The following CACNA1I variants were observed in gnomAD, a reference collection of about 807,000 sequenced individuals.
CACNA1I encodes the protein voltage-dependent T-type calcium channel subunit alpha-1I.
A neutral mutation model predicts 201.6 loss-of-function variants in CACNA1I; 74 were observed. The observed-to-expected ratio is 0.37, with a 90% confidence interval of 0.30 to 0.45. The LOEUF is 0.45. Ranked by LOEUF, CACNA1I falls within the 20% of genes least tolerant of loss-of-function variation. The probability of loss-of-function intolerance (pLI) is 1.00; values close to 1 mark genes in which losing one functional copy is unlikely to be tolerated. For missense variants in CACNA1I, 2,346 were observed against 3,138.1 expected (o/e 0.75, Z 6.03); for synonymous variants, 1,431 against 1,345.2 (o/e 1.06, Z -1.40).
chr22:39,607,353 A>T (rs1933251381), intron 3 of CACNA1I, among the ~76,000 whole-genome samples: 1 of 152,234 alleles, frequency 6.6e-6, no homozygotes, highest in Non-Finnish European at 1.5e-5. Context: ...GAGCAGCAGG[A>T]TCACTGGGGC....
chr22:39,624,411 C>T lies in CACNA1I; in HGVS notation c.580+5004C>T, dbSNP rs189512624. 3.2e-4 allele frequency among the ~76,000 whole-genome samples: 49 copies of T among 152,274 alleles called. 1 individual carries two copies. In the East Asian group the frequency reaches 9.1e-3, roughly 28 times the overall value. ...GCTCCAATTACAGAGGAGCTCCGAG[C>T]GGGCTCCGAGCCTTTCCTCAGGGTC... On this transcript the variant is annotated intron_variant, in intron 4 of 36. Transcript: ENST00000402142.
At chr22:39,603,146 C>T (rs1305258315) in intron 3 of CACNA1I, among the ~76,000 whole-genome samples, 1 of 122,890 alleles carries the variant, frequency 8.1e-6, no homozygotes, top group Non-Finnish European at 1.8e-5. Context: ...AAAGCAAGAC[C>T]CTGTCAAAAA....
At chr22:39,589,804 G>A (rs997348858) in intron 1 of CACNA1I, among the ~76,000 whole-genome samples, 1 of 152,134 alleles carries the variant, frequency 6.6e-6, no homozygotes, top group African/African-American at 2.4e-5. Flanking sequence ...GTAGGTGCTG[G>A]TCCACCTTCC....
At chr22:39,596,464 C>T (rs1284134714) in intron 1 of CACNA1I, among the ~76,000 whole-genome samples, 18 of 42,668 alleles carry the variant, frequency 4.2e-4, no homozygotes, top group African/African-American at 1.8e-3. Context: ...GGGGGCAGGG[C>T]GGAGAGAGAT....
chr22:39,679,934 G>C lies in CACNA1I; in HGVS notation c.5541+66G>C. The C allele has an allele frequency of 2.0e-5, 30 of 1,508,466 alleles. 2 individuals are homozygous for C. The highest frequency in any genetic ancestry group is 3.7e-4 in the Middle Eastern group (2 of 5,426). 93.4% of individuals were successfully genotyped at this position (1,508,466 alleles called of 1,614,324 possible). On this transcript the variant is annotated intron_variant, in intron 33 of 36. Coordinates refer to ENST00000402142, the MANE Select transcript of CACNA1I (RefSeq NM_021096.4). ...CAGCACGAAACCTGGTGGGGGGCCT[G>C]TCCGAGGGCAGAGCCTGGCTCTGGG...
chr22:39,629,794 G>A lies in CACNA1I; in HGVS notation c.581-4771G>A, dbSNP rs556004990. On this transcript the variant is annotated intron_variant, in intron 4 of 36. Transcript: ENST00000402142. The surrounding 1 kb of genome is among the most constrained non-coding windows in gnomAD (Gnocchi z 4.8). The stretch of plus-strand genomic sequence containing the variant: ...TTTCAGAGATGTGTATGCCGTTCGG[G>A]GCGCTGTCCACAGGGGCGTCTGCAC... Among the ~76,000 whole-genome samples the A allele has an allele frequency of 2.0e-5, 3 of 152,274 alleles. No homozygotes were observed. The South Asian group carries it at 6.2e-4, about 32-fold the overall frequency.
At chr22:39,670,778 G>A (rs1253848160) in intron 25 of CACNA1I, 25 bp from the exon 26 acceptor site, 5 of 1,613,128 alleles carry the variant, frequency 3.1e-6, no homozygotes, top group African/African-American at 1.3e-5. Context: ...TGTGGTCTTT[G>A]CCACTCCCCC....
At position 39,649,799 on chromosome 22, in the gene CACNA1I, C is replaced by T. The variant is rs58955204; in HGVS notation, c.1866C>T (p.Cys622=). The T allele has an allele frequency of 3.5e-3, 5,649 of 1,611,922 alleles. 133 individuals carry two copies. The African/African-American group carries it at 0.058, about 17-fold the overall frequency. ...AGGCGGATGGGGCGGTCTGGCTGTG[C>T]GGGGATGTGTGGCGGGAGACGCGAG... ...EEQADGAVWL[C]GDVWRETRAK... is the part of the protein sequence containing the mutation. The change falls in exon 10 of 37, where the codon TGC becomes TGT. Residue 622 remains cysteine (C), a synonymous_variant. Coordinates refer to ENST00000402142, the MANE Select transcript of CACNA1I (RefSeq NM_021096.4). The surrounding 1 kb of genome is among the most constrained non-coding windows in gnomAD (Gnocchi z 7.3).
chr22:39,617,772 G>T (rs1359228182), intron 3 of CACNA1I, among the ~76,000 whole-genome samples: 1 of 34,662 alleles, frequency 2.9e-5, no homozygotes, highest in Non-Finnish European at 5.8e-5. Context: ...CCCGCCCACC[G>T]CACCCCTCCT....
chr22:39,682,715 T>C, intron 35 of CACNA1I, 54 bp downstream of exon 35: 1 of 1,512,976 alleles, frequency 6.6e-7, no homozygotes, highest in Admixed American at 2.0e-5. Context: ...GGGCATCTGC[T>C]TCAGAGGGAG....
rs144614031 is a variant in CACNA1I, at chr22:39,638,729, T to C, written c.741-2138T>C. Among the ~76,000 whole-genome samples the C allele has an allele frequency of 2.8e-3, 432 of 152,326 alleles. 1 individual carries two copies. Among genetic ancestry groups the C allele is most frequent in the African/African-American group, 0.01 (420 of 41,572 alleles). On this transcript the variant is annotated intron_variant, in intron 5 of 36. Coordinates refer to ENST00000402142, the MANE Select transcript of CACNA1I (RefSeq NM_021096.4). ...AGTTATGGGAGATTTTCATATGCTT[T>C]AGATCAGCAGTCCCCAACCTTTTTG... is the stretch of plus-strand genomic sequence containing the variant.
chr22:39,676,410 G>A lies in CACNA1I; in HGVS notation c.4855-931G>A, dbSNP rs1188665480. Among the ~76,000 whole-genome samples, 2 of 152,202 alleles carry A rather than the reference G, an allele frequency of 1.3e-5. No individual in the cohort carries two copies. Among genetic ancestry groups the A allele is most frequent in the Non-Finnish European group, 2.9e-5 (2 of 68,030 alleles). ...AACTCGAGGAGTGGTGATTAATGGGGTTTACTTTTCAGCAGTTAACGTGAA... is the reference window on the plus strand; with the variant it reads ...AACTCGAGGAGTGGTGATTAATGGGATTTACTTTTCAGCAGTTAACGTGAA... On this transcript the variant is annotated intron_variant, in intron 29 of 36. Coordinates refer to ENST00000402142, the MANE Select transcript of CACNA1I (RefSeq NM_021096.4). This position sits in a 1 kb window ranked among gnomAD's most constrained non-coding sequence, Gnocchi z 4.8.
intron 35 of CACNA1I, among the ~76,000 whole-genome samples, chr22:39,683,013 T>C (rs1935750272): frequency 6.6e-6 from 1 of 152,206 alleles, no homozygotes; most frequent in South Asian, 2.1e-4. Flanking sequence ...GTGGTGTTTT[T>C]CTAGAGCTGA....
intron 34 of CACNA1I, 48 bp downstream of exon 34, chr22:39,681,100 C>T: frequency 6.4e-7 from 1 of 1,562,130 alleles, no homozygotes; most frequent in Non-Finnish European, 8.7e-7. Flanking sequence ...TCCTTGAAAC[C>T]TGGCCCCTGC....
chr22:39,583,102 A>T (rs1316147699), intron 1 of CACNA1I, among the ~76,000 whole-genome samples: 2 of 149,244 alleles, frequency 1.3e-5, no homozygotes, highest in Non-Finnish European at 3.0e-5. Flanking sequence ...CCATTCATCC[A>T]TCCAACTGTC....
intron 11 of CACNA1I, 23 bp downstream of exon 11, chr22:39,658,326 G>C (rs373170725): frequency 6.2e-7 from 1 of 1,609,486 alleles, no homozygotes; most frequent in African/African-American, 1.3e-5. Context: ...CAACCCACCC[G>C]GCAGCAGAGT....
intron 3 of CACNA1I, among the ~76,000 whole-genome samples, chr22:39,605,998 C>T (rs1202612494): frequency 6.6e-6 from 1 of 152,160 alleles, no homozygotes; most frequent in Admixed American, 6.5e-5. Context: ...TCATAGCCGT[C>T]CTTCAGAAGT....
At position 39,665,867 on chromosome 22, in the gene CACNA1I, C is replaced by G; in HGVS notation, c.3979-14C>G. The G allele has an allele frequency of 6.2e-7, 1 of 1,613,792 alleles. No individual in the cohort carries two copies. The highest frequency in any genetic ancestry group is 8.5e-7 in the Non-Finnish European group (1 of 1,179,832). The stretch of plus-strand genomic sequence containing the variant: ...CTCACCTGTGAGAGCACCAACCTCA[C>G]CCCCTTTCCCCAGCTCTTCAAGGGC... On this transcript the variant is annotated splice_polypyrimidine_tract_variant and intron_variant, in intron 22 of 36. Transcript: ENST00000402142. The surrounding 1 kb of genome is among the most constrained non-coding windows in gnomAD (Gnocchi z 5.5).
At chr22:39,623,934 T>C (rs1933827088) in intron 4 of CACNA1I, among the ~76,000 whole-genome samples, 1 of 141,070 alleles carries the variant, frequency 7.1e-6, no homozygotes, top group South Asian at 2.3e-4. Flanking sequence ...CGTGTTTGTG[T>C]GTGTGCCTGT....
Sources: allele counts gnomAD v4.1 joint callset (sites outside exome capture counted in the v4.1 genomes callset), GRCh38; gene constraint gnomAD v4.1.1; non-coding constraint Gnocchi (gnomAD v3.1); transcripts MANE v1.5; gene names NCBI Gene and HGNC (gene_info 2026-07-23, HGNC 2026-07-21).